Variants in PGPEP1 observed in about 807,000 individuals in gnomAD.
The protein encoded by PGPEP1 is pyroglutamyl-peptidase I.
In PGPEP1, 15 loss-of-function variants were observed where a neutral mutation model predicts 24.1. The ratio of observed to expected loss-of-function variants is 0.62; its 90% CI spans 0.42 to 0.96. The LOEUF (loss-of-function observed/expected upper bound fraction) is 0.96. Ranked by LOEUF, PGPEP1 falls within the 40% of genes least tolerant of loss-of-function variation. The probability of loss-of-function intolerance (pLI) is 0.00; values close to 1 mark genes in which losing one functional copy is unlikely to be tolerated. For synonymous variants in PGPEP1, 122 were observed against 116.4 expected (o/e 1.05, Z -0.31); for missense variants, 242 against 273.4 (o/e 0.89, Z 0.81).
intron 2 of PGPEP1, among the ~76,000 whole-genome samples, chr19:18,343,566 TG>T (rs1367935380): frequency 6.6e-6 from 1 of 152,006 alleles, no homozygotes; most frequent in Non-Finnish European, 1.5e-5. Flanking sequence ...GCTACAGATC[TG>T]GGTCTGGAGG....
intron 4 of PGPEP1, chr19:18,361,704 A>T (rs1458626509): frequency 1.0e-6 from 1 of 984,444 alleles, no homozygotes; most frequent in African/African-American, 1.7e-5. Context: ...CCCTCTGATA[A>T]GTCAGACACG....
At chr19:18,346,929 C>T (rs11668079) in intron 2 of PGPEP1, among the ~76,000 whole-genome samples, 9,279 of 151,948 alleles carry the variant, frequency 0.061, 402 homozygotes, top group Middle Eastern at 0.13. Context: ...TGTGAGCCAC[C>T]GCACCCGGCT....
At chr19:18,354,679 A>G (rs1478177041) in intron 2 of PGPEP1, among the ~76,000 whole-genome samples, 1 of 152,000 alleles carries the variant, frequency 6.6e-6, no homozygotes, top group Non-Finnish European at 1.5e-5. Context: ...CACCATGCCC[A>G]GCTAATTTTT....
rs3746181 is a variant in PGPEP1, at chr19:18,366,207, A to G, written c.*2624A>G. ...AGACAGGGACAAAATGGGGAAGGGGATGTGCCAGGCCTGAACTGAGCTAAG... is the reference window on the plus strand; with the variant it reads ...AGACAGGGACAAAATGGGGAAGGGGGTGTGCCAGGCCTGAACTGAGCTAAG... On this transcript the variant is annotated 3_prime_UTR_variant, in exon 5 of 5. Coordinates refer to ENST00000269919, the MANE Select transcript of PGPEP1 (RefSeq NM_017712.4). 0.84 allele frequency: 128,229 copies of G among 152,184 alleles called. 54,252 individuals are homozygous for G. The highest frequency in any genetic ancestry group is 0.91 in the African/African-American group (37,918 of 41,528). 9.4% of individuals were successfully genotyped at this position (152,184 alleles called of 1,614,324 possible). A position where few individuals can be genotyped will look rare whatever the true frequency, so the allele number is the denominator to read the frequency against.
chr19:18,340,631 T>C lies in PGPEP1; in HGVS notation c.-51T>C. The stretch of plus-strand genomic sequence containing the variant: ...GCCGAGAGGCTGCAGCGGCAGCAGC[T>C]GTCGCGCCAGTCGCAACAGAAGCAG... On this transcript the variant is annotated 5_prime_UTR_variant, in exon 1 of 5. Transcript: ENST00000269919. The C allele has an allele frequency of 2.7e-6, 4 of 1,497,106 alleles. No homozygotes were observed. The highest frequency in any genetic ancestry group is 3.6e-6 in the Non-Finnish European group (4 of 1,123,152). The allele number at this position is 1,497,106 out of a possible 1,614,324, so 92.7% of individuals were successfully genotyped here. A position where few individuals can be genotyped will look rare whatever the true frequency, so the allele number is the denominator to read the frequency against.
chr19:18,354,972 T>A (rs923739377), intron 2 of PGPEP1, among the ~76,000 whole-genome samples: 32 of 143,240 alleles, frequency 2.2e-4, no homozygotes, highest in African/African-American at 8.1e-4. Context: ...TTTTTTTTTT[T>A]TTTTTTTTTT....
intron 2 of PGPEP1, among the ~76,000 whole-genome samples, chr19:18,350,128 C>A (rs1207633242): frequency 6.6e-6 from 1 of 152,182 alleles, no homozygotes; most frequent in Non-Finnish European, 1.5e-5. Context: ...TCAAGCGATT[C>A]TCCTGCCTCG....
chr19:18,342,987 C>A lies in PGPEP1; in HGVS notation c.87+76C>A. The stretch of plus-strand genomic sequence containing the variant: ...AGAAAGTTATGGCATCCAAGAAGGT[C>A]CCCTTTTAACAAAAACTTTTTTTTT... On this transcript the variant is annotated intron_variant, in intron 2 of 4. Transcript: ENST00000269919. The A allele has an allele frequency of 8.1e-6, 9 of 1,110,954 alleles. No individual in the cohort carries two copies. The Admixed American group carries it at 1.9e-4, about 24-fold the overall frequency. 68.8% of individuals were successfully genotyped at this position (1,110,954 alleles called of 1,614,324 possible).
At chr19:18,358,838 A>T (rs568469798) in intron 4 of PGPEP1, among the ~76,000 whole-genome samples, 1 of 151,232 alleles carries the variant, frequency 6.6e-6, no homozygotes, top group Non-Finnish European at 1.5e-5. Flanking sequence ...CTGGTCTCGA[A>T]CTCCCGATCT....
chr19:18,367,155 C>CCAAAAAAAAAAAA lies in PGPEP1; in HGVS notation c.*3572_*3573insCAAAAAAAAAAAA, dbSNP rs1971575969. 2.1e-5 allele frequency: 2 copies of CCAAAAAAAAAAAA among 95,222 alleles called. No homozygotes were observed. Among genetic ancestry groups the CCAAAAAAAAAAAA allele is most frequent in the African/African-American group, 1.0e-4 (2 of 20,030 alleles). The allele number at this position is 95,222 out of a possible 1,614,324, so 5.9% of individuals were successfully genotyped here. A position where few individuals can be genotyped will look rare whatever the true frequency, so the allele number is the denominator to read the frequency against. ...CGGGTGACACAGCAAGACTCTGTCT[C>CCAAAAAAAAAAAA]AAAAAAAAAAAAAAAAAAAATCCTC... On this transcript the variant is annotated 3_prime_UTR_variant, in exon 5 of 5. Transcript: ENST00000269919.
chr19:18,362,073 C>A lies in PGPEP1; in HGVS notation c.438-1318C>A, dbSNP rs148303745. The A allele has an allele frequency of 1.8e-3, 309 of 169,432 alleles. 1 individual carries two copies. Among genetic ancestry groups the A allele is most frequent in the Non-Finnish European group, 2.3e-3 (196 of 83,814 alleles). The allele number at this position is 169,432 out of a possible 1,614,324, so 10.5% of individuals were successfully genotyped here. Reference sequence around the variant, plus strand: ...TGGGGAGCATCCCTGTTTGTACTTTCTTGTACCCTTGTGCAGATGGTTCCT... The same window carrying A: ...TGGGGAGCATCCCTGTTTGTACTTTATTGTACCCTTGTGCAGATGGTTCCT... On this transcript the variant is annotated intron_variant, in intron 4 of 4. Transcript: ENST00000269919.
At chr19:18,355,839 A>T in intron 2 of PGPEP1, 56 bp from the exon 3 acceptor site, 3 of 1,091,572 alleles carry the variant, frequency 2.7e-6, no homozygotes, top group Non-Finnish European at 4.3e-6. Context: ...CAGAGAGCGC[A>T]TTATCCCCAT....
At position 18,363,693 on chromosome 19, in the gene PGPEP1, T is replaced by C. The variant is rs964650426; in HGVS notation, c.*110T>C. 4 of 715,800 alleles carry C rather than the reference T, an allele frequency of 5.6e-6. No homozygotes were observed. The South Asian group carries it at 6.0e-5, about 11-fold the overall frequency. 44.3% of individuals were successfully genotyped at this position (715,800 alleles called of 1,614,324 possible). A position where few individuals can be genotyped will look rare whatever the true frequency, so the allele number is the denominator to read the frequency against. ...CAAGCTCTTCAGCTTGGGGATCCGA[T>C]CTGGAAGAGAGATTCTGATCTGCCC... On this transcript the variant is annotated 3_prime_UTR_variant, in exon 5 of 5. Coordinates refer to ENST00000269919, the MANE Select transcript of PGPEP1 (RefSeq NM_017712.4).
intron 2 of PGPEP1, among the ~76,000 whole-genome samples, chr19:18,351,780 AAG>A (rs1026722025): frequency 2.6e-5 from 4 of 152,024 alleles, no homozygotes; most frequent in Admixed American, 2.6e-4. Flanking sequence ...CCATCTCTAA[AAG>A]AAAAAATTCT....
intron 2 of PGPEP1, among the ~76,000 whole-genome samples, chr19:18,345,981 C>CT (rs1197911151): frequency 6.0e-5 from 9 of 148,924 alleles, no homozygotes; most frequent in African/African-American, 2.2e-4. Context: ...AAGCGAGACT[C>CT]TGTCTCAAAA....
At chr19:18,343,717 T>C (rs1970746217) in intron 2 of PGPEP1, among the ~76,000 whole-genome samples, 2 of 135,872 alleles carry the variant, frequency 1.5e-5, no homozygotes, top group Non-Finnish European at 1.5e-5. Flanking sequence ...GAAATCTCAC[T>C]CTGTTGCCCA....
intron 4 of PGPEP1, among the ~76,000 whole-genome samples, chr19:18,359,783 G>A (rs12977748): frequency 0.74 from 112,084 of 151,642 alleles, 41,751 homozygotes; most frequent in South Asian, 0.83. Context: ...AAAGTGCTGG[G>A]ATTATAGGCC....
intron 2 of PGPEP1, among the ~76,000 whole-genome samples, chr19:18,347,043 C>T (rs1056781197): frequency 9.4e-5 from 14 of 149,536 alleles, no homozygotes; most frequent in Admixed American, 2.7e-4. Flanking sequence ...TTTCTCTCTC[C>T]GTTTCTCTCT....
Position 18,363,526 on chromosome 19 carries a change from G to A in PGPEP1, c.573G>A (p.Glu191=). The A allele has an allele frequency of 6.2e-7, 1 of 1,614,170 alleles. No homozygotes were observed. The highest frequency in any genetic ancestry group is 8.5e-7 in the Non-Finnish European group (1 of 1,180,020). ...GGGCACTGAGAGCCATCATTGAGGA[G>A]ATGTTGGACCTCCTGGAGCAGTCAG... The part of the protein sequence containing the change: ...LGRALRAIIE[E]MLDLLEQSEG... The change falls in exon 5 of 5, where the codon GAG becomes GAA. Residue 191 remains glutamate, a synonymous_variant. Transcript: ENST00000269919.
Sources: allele counts gnomAD v4.1 joint callset (sites outside exome capture counted in the v4.1 genomes callset), GRCh38; gene constraint gnomAD v4.1.1; transcripts MANE v1.5; gene names NCBI Gene and HGNC (gene_info 2026-07-23, HGNC 2026-07-21).